Variants in ROBO2 observed in about 807,000 individuals in gnomAD.
The protein encoded by ROBO2 is roundabout guidance receptor 2.
A neutral mutation model predicts 160.8 loss-of-function variants in ROBO2; 53 were observed. The observed-to-expected ratio is 0.33, with a 90% confidence interval of 0.26 to 0.41. The LOEUF (loss-of-function observed/expected upper bound fraction) is 0.41, where lower values mean the gene tolerates loss of function less well. ROBO2 is among the 10% of genes least tolerant of loss of function. The pLI is 1.00. For missense variants in ROBO2, 1,577 were observed against 1,722.4 expected, an observed-to-expected ratio of 0.92 and a Z score of 1.49; for synonymous variants, 664 against 611.7, an observed-to-expected ratio of 1.09 and a Z score of -1.26.
Position 77,588,687 on chromosome 3 carries a change from C to T in ROBO2, c.2501-64C>T, listed in dbSNP as rs891908429. 4.1e-6 allele frequency: 6 copies of T among 1,455,464 alleles called. No homozygotes were observed. The African/African-American group carries it at 7.1e-5, about 17-fold the overall frequency. 90.2% of individuals were successfully genotyped at this position (1,455,464 alleles called of 1,614,324 possible). A position where few individuals can be genotyped will look rare whatever the true frequency, so the allele number is the denominator to read the frequency against. ...TAATTTTTCTTCATTTTTGATGCACCATGTTTATATTCCTGTGCTTATTTT... is the reference window on the plus strand; with the variant it reads ...TAATTTTTCTTCATTTTTGATGCACTATGTTTATATTCCTGTGCTTATTTT... On this transcript the variant is annotated intron_variant, in intron 16 of 25. Transcript: ENST00000461745.
At chr3:76,836,433 T>G (rs957736949) in intron 2 of ROBO2, among the ~76,000 whole-genome samples, 2 of 147,150 alleles carry the variant, frequency 1.4e-5, no homozygotes, top group East Asian at 2.0e-4. Flanking sequence ...TGTTAATTTT[T>G]TTGTTTTTTT....
intron 2 of ROBO2, among the ~76,000 whole-genome samples, chr3:76,730,958 C>T (rs13072390): frequency 7.7e-3 from 27 of 3,516 alleles, no homozygotes; most frequent in Admixed American, 0.012. Flanking sequence ...CTACCCGCTT[C>T]TCCTCACCTC....
At position 76,879,299 on chromosome 3, in the gene ROBO2, T is replaced by TGAGAATCTG. The variant is rs1286312773; in HGVS notation, c.110-218713_110-218705dup. On this transcript the variant is annotated intron_variant, in intron 2 of 26. Coordinates refer to the ROBO2 transcript ENST00000487694. ...AACTTTAATGTGCGTTTGGGTCACC[T>TGAGAATCTG]GAGAATCTGGTTAATGTAGATTTTC... 2.6e-5 allele frequency among the ~76,000 whole-genome samples: 4 copies of TGAGAATCTG among 152,250 alleles called. No individual in the cohort carries two copies. In the East Asian group the frequency reaches 7.7e-4, roughly 29 times the overall value.
chr3:76,550,938 T>C (rs1049401860), intron 2 of ROBO2, among the ~76,000 whole-genome samples: 1 of 152,022 alleles, frequency 6.6e-6, no homozygotes, highest in African/African-American at 2.4e-5. Context: ...CTGGGTGCTG[T>C]GGATGGCATG....
chr3:76,767,440 T>C (rs1408130808), intron 2 of ROBO2, among the ~76,000 whole-genome samples: 1 of 151,616 alleles, frequency 6.6e-6, no homozygotes, highest in Non-Finnish European at 1.5e-5. Flanking sequence ...AAAGTAGGCA[T>C]CATGTACATT....
chr3:76,220,640 C>T (rs1703903653), intron 2 of ROBO2, among the ~76,000 whole-genome samples: 2 of 152,146 alleles, frequency 1.3e-5, no homozygotes, highest in South Asian at 4.1e-4. Flanking sequence ...GGTACAGGAG[C>T]ACAGATGCAC....
At chr3:76,468,384 C>A (rs983850017) in intron 2 of ROBO2, among the ~76,000 whole-genome samples, 2 of 152,068 alleles carry the variant, frequency 1.3e-5, no homozygotes, top group East Asian at 1.9e-4. Context: ...CACCTGGAAC[C>A]TTTCTATCAA....
At chr3:77,018,155 T>G (rs918115734) in intron 2 of ROBO2, among the ~76,000 whole-genome samples, 2 of 152,098 alleles carry the variant, frequency 1.3e-5, no homozygotes, top group African/African-American at 4.8e-5. Context: ...CAGGCTGGAG[T>G]GCAGTGGCGC....
chr3:76,989,096 T>C (rs1002597306), intron 2 of ROBO2, among the ~76,000 whole-genome samples: 2 of 152,122 alleles, frequency 1.3e-5, no homozygotes, highest in Non-Finnish European at 2.9e-5. Context: ...CATTCTTATC[T>C]ATACTGATCA....
At chr3:77,394,625 C>G (rs981629656) in intron 2 of ROBO2, among the ~76,000 whole-genome samples, 63 of 152,058 alleles carry the variant, frequency 4.1e-4, no homozygotes, top group Admixed American at 9.2e-4. Flanking sequence ...CTCATTTCAC[C>G]TTTATTTTGT....
At chr3:76,132,403 G>GGT (rs1553653791) in intron 2 of ROBO2, among the ~76,000 whole-genome samples, 1 of 136,258 alleles carries the variant, frequency 7.3e-6, no homozygotes, top group Non-Finnish European at 1.6e-5. Flanking sequence ...TTGGGGGGGG[G>GGT]GGGGGACGCA....
chr3:77,072,730 A>G (rs534909751), intron 1 of ROBO2, among the ~76,000 whole-genome samples: 1 of 152,340 alleles, frequency 6.6e-6, no homozygotes, highest in East Asian at 1.9e-4. Context: ...AGCAGGTAGT[A>G]GGTGCTCAAC....
At chr3:76,208,456 C>G (rs1055406255) in intron 2 of ROBO2, among the ~76,000 whole-genome samples, 2 of 151,980 alleles carry the variant, frequency 1.3e-5, no homozygotes, top group African/African-American at 4.8e-5. Context: ...TCTATGTATC[C>G]CAGTTAATAA....
chr3:76,888,573 C>T (rs556491557), intron 2 of ROBO2, among the ~76,000 whole-genome samples: 16 of 152,262 alleles, frequency 1.1e-4, no homozygotes, highest in East Asian at 1.9e-4. Flanking sequence ...TCAATCAAAT[C>T]AATATGTGCA....
At chr3:77,272,332 G>T (rs1436620588) in intron 2 of ROBO2, among the ~76,000 whole-genome samples, 1 of 152,130 alleles carries the variant, frequency 6.6e-6, no homozygotes, top group East Asian at 1.9e-4. Context: ...TGGCTGAGGA[G>T]GCCTCAGGAA....
chr3:76,279,629 G>A (rs1400206901), intron 2 of ROBO2, among the ~76,000 whole-genome samples: 1 of 151,894 alleles, frequency 6.6e-6, no homozygotes, highest in Non-Finnish European at 1.5e-5. Flanking sequence ...ATTTAAATAT[G>A]AGAATATATT....
chr3:76,429,251 A>G (rs1193908499), intron 2 of ROBO2, among the ~76,000 whole-genome samples: 1 of 152,000 alleles, frequency 6.6e-6, no homozygotes, highest in African/African-American at 2.4e-5. Flanking sequence ...TGCTATGTCC[A>G]AGGTCTAGAC....
chr3:76,562,658 T>C (rs2084267754), intron 2 of ROBO2, among the ~76,000 whole-genome samples: 1 of 152,222 alleles, frequency 6.6e-6, no homozygotes, highest in Non-Finnish European at 1.5e-5. Context: ...TCTTTTGTCT[T>C]GCAGACTATA....
chr3:77,472,763 A>G (rs1432803545), intron 2 of ROBO2, among the ~76,000 whole-genome samples: 2 of 152,106 alleles, frequency 1.3e-5, no homozygotes, highest in Admixed American at 1.3e-4. Context: ...GCAATCGTAT[A>G]TATTATATAT....
Sources: allele counts gnomAD v4.1 joint callset (sites outside exome capture counted in the v4.1 genomes callset), GRCh38; gene constraint gnomAD v4.1.1; transcripts MANE v1.5; gene names NCBI Gene and HGNC (gene_info 2026-07-23, HGNC 2026-07-21).